FBP2: variants seen among roughly 807,000 people sequenced by gnomAD.
The protein encoded by FBP2 is fructose-bisphosphatase 2.
FBP2 carries 27 observed loss-of-function variants against 31.6 expected under a neutral mutation model. The ratio of observed to expected loss-of-function variants is 0.85; its 90% CI spans 0.63 to 1.18. The LOEUF is 1.18. FBP2 is among the 50% of genes most tolerant of loss of function. The pLI, the probability that FBP2 is intolerant of heterozygous loss-of-function variation, is 0.00. For synonymous variants in FBP2, 168 were observed against 179.8 expected (o/e 0.93, Z 0.53); for missense variants, 421 against 436.1 (o/e 0.97, Z 0.31).
intron 3 of FBP2, 38 bp downstream of exon 3, chr9:94,584,539 A>T: frequency 7.7e-7 from 1 of 1,290,414 alleles, no homozygotes; most frequent in Non-Finnish European, 1.1e-6. Flanking sequence ...AGAGACCACC[A>T]CAGGAAGGAG....
At chr9:94,567,488 G>C in intron 4 of FBP2, 81 bp from the exon 5 acceptor site, 1 of 1,535,132 alleles carries the variant, frequency 6.5e-7, no homozygotes, top group Non-Finnish European at 8.9e-7. Context: ...ATCAGAGCAG[G>C]AGAAGATGGG....
In FBP2 at chr9:94,563,452, C is replaced by T. The variant is rs1827139312; in HGVS notation, c.715G>A (p.Ala239Thr). The change falls in exon 6 of 7, where the codon GCT (alanine) becomes ACT (threonine). Residue 239 changes from alanine (A) to threonine (T), a missense_variant. By Grantham distance (58) the Ala-to-Thr change is moderately conservative. Transcript: ENST00000375337. Reference protein sequence around the residue: ...QKKKFPEDGSAPYGARYVGSM... With the variant: ...QKKKFPEDGSTPYGARYVGSM... ...CCCACATACCTGGCCCCATAGGGAG[C>T]ACTGCCATCCTAGAAGACAGAAAGC... 6.2e-7 allele frequency: 1 copy of T among 1,613,246 alleles called. No individual in the cohort carries two copies.
intron 3 of FBP2, among the ~76,000 whole-genome samples, chr9:94,575,522 AT>A (rs1827307467): frequency 6.6e-6 from 1 of 152,046 alleles, no homozygotes; most frequent in Non-Finnish European, 1.5e-5. Flanking sequence ...TTATTTCTCC[AT>A]TCTCATGTTG....
chr9:94,563,830 G>A (rs963261325), intron 5 of FBP2, among the ~76,000 whole-genome samples: 1 of 152,012 alleles, frequency 6.6e-6, no homozygotes, highest in Non-Finnish European at 1.5e-5. Flanking sequence ...AAAAAAGCAG[G>A]GGCTGCAATC....
intron 1 of FBP2, among the ~76,000 whole-genome samples, chr9:94,588,027 A>AT (rs1307852356): frequency 6.6e-6 from 1 of 151,188 alleles, no homozygotes; most frequent in Admixed American, 6.6e-5. Context: ...TTTTTTCTGT[A>AT]TTTTTAGTAG....
chr9:94,575,205 A>G (rs1200275031), intron 3 of FBP2, among the ~76,000 whole-genome samples: 1 of 152,188 alleles, frequency 6.6e-6, no homozygotes, highest in East Asian at 1.9e-4. Flanking sequence ...TTTACATAAC[A>G]TCCAGATCCA....
At chr9:94,583,936 C>T (rs905946067) in intron 3 of FBP2, among the ~76,000 whole-genome samples, 1 of 152,146 alleles carries the variant, frequency 6.6e-6, no homozygotes, top group African/African-American at 2.4e-5. Context: ...TGCCGTTGTA[C>T]ACTTTATATA....
At chr9:94,589,550 G>T (rs1449750595) in intron 1 of FBP2, among the ~76,000 whole-genome samples, 2 of 152,230 alleles carry the variant, frequency 1.3e-5, no homozygotes, top group Non-Finnish European at 2.9e-5. Context: ...TGCTCACTGA[G>T]TTATGAGGAA....
chr9:94,561,352 ATTTTTTTT>A (rs1174386595), intron 6 of FBP2, among the ~76,000 whole-genome samples: 51 of 54,988 alleles, frequency 9.3e-4, no homozygotes, highest in Middle Eastern at 0.018. Context: ...TGTGACCTGT[ATTTTTTTT>A]TTTTTTTTTT....
At position 94,593,047 on chromosome 9, in the gene FBP2, C is replaced by T. The variant is rs78518987; in HGVS notation, c.170+510G>A. Among the ~76,000 whole-genome samples, 956 of 152,280 alleles carry T rather than the reference C, an allele frequency of 6.3e-3. 6 individuals are homozygous for T. The highest frequency in any genetic ancestry group is 0.022 in the African/African-American group (917 of 41,548). ...AAAGAGTCACAGAGAAGAAATAAAA[C>T]ACGTAGCCAGCAAAACACTCCTTTA... is the stretch of plus-strand genomic sequence containing the variant. On this transcript the variant is annotated intron_variant, in intron 1 of 6. Transcript: ENST00000375337.
At chr9:94,582,648 C>T (rs1184960281) in intron 3 of FBP2, among the ~76,000 whole-genome samples, 9 of 150,488 alleles carry the variant, frequency 6.0e-5, no homozygotes, top group Admixed American at 3.3e-4. Context: ...CCTGGGTTCA[C>T]GCCATTCTCC....
chr9:94,592,417 T>G (rs1827512562), intron 1 of FBP2, among the ~76,000 whole-genome samples: 1 of 152,208 alleles, frequency 6.6e-6, no homozygotes, highest in African/African-American at 2.4e-5. Context: ...ATGATTGGAC[T>G]TTGTTAGCTC....
intron 1 of FBP2, among the ~76,000 whole-genome samples, chr9:94,589,316 G>A (rs886505525): frequency 4.6e-5 from 7 of 152,164 alleles, no homozygotes; most frequent in African/African-American, 1.4e-4. Context: ...CCACAGCAGT[G>A]CTCTCTGCCC....
chr9:94,563,332 G>A lies in FBP2; in HGVS notation c.825+10C>T. The A allele has an allele frequency of 6.2e-7, 1 of 1,613,502 alleles. No individual in the cohort carries two copies. The highest frequency in any genetic ancestry group is 8.5e-7 in the Non-Finnish European group (1 of 1,179,680). On this transcript the variant is annotated intron_variant, in intron 6 of 6. Coordinates refer to ENST00000375337, the MANE Select transcript of FBP2 (RefSeq NM_003837.4). ...ACCGGATGCACAGCCAGTGGACAAG[G>A]GAGAATTACCTTGCCCTTAGGGCTC...
intron 4 of FBP2, chr9:94,570,342 C>T (rs1346439795): frequency 6.6e-6 from 1 of 152,196 alleles, no homozygotes; most frequent in Non-Finnish European, 1.5e-5. Context: ...GAGCATGACT[C>T]CTGACACCAG....
intron 3 of FBP2, among the ~76,000 whole-genome samples, chr9:94,579,071 G>GAAAAAAAAAAAAATT (rs1564185245): frequency 1.1e-5 from 1 of 87,228 alleles, no homozygotes; most frequent in African/African-American, 4.9e-5. Flanking sequence ...AAAAAAAAAG[G>GAAAAAAAAAAAAATT]TTATTTTAAA....
chr9:94,562,403 C>T (rs1272307948), intron 6 of FBP2, among the ~76,000 whole-genome samples: 1 of 151,780 alleles, frequency 6.6e-6, no homozygotes, highest in Non-Finnish European at 1.5e-5. Context: ...CCTTCAGCAC[C>T]ACTTCTGCAG....
chr9:94,560,752 ATATT>A (rs1299122689), intron 6 of FBP2, among the ~76,000 whole-genome samples: 3 of 147,848 alleles, frequency 2.0e-5, no homozygotes, highest in African/African-American at 7.4e-5. Flanking sequence ...AATATGTTAT[ATATT>A]TATATAATGT....
chr9:94,593,452 G>T, intron 1 of FBP2, 105 bp downstream of exon 1: 2 of 1,057,326 alleles, frequency 1.9e-6, no homozygotes, highest in Non-Finnish European at 2.7e-6. Context: ...GGCACACAGG[G>T]CCAATAAGCT....
Sources: gnomAD v4.1 joint callset for allele counts (sites outside exome capture counted in the v4.1 genomes callset) on GRCh38, gnomAD v4.1.1 for gene constraint, MANE v1.5 for transcripts, NCBI Gene and HGNC (gene_info 2026-07-23, HGNC 2026-07-21) for gene names.